Variants in KCND2 observed in about 807,000 individuals in gnomAD.
KCND2 encodes the protein potassium voltage-gated channel subfamily D member 2.
In KCND2, 16 loss-of-function variants were observed where a neutral mutation model predicts 54.4. That is an observed-to-expected ratio of 0.29 (90% CI 0.20 to 0.45). The LOEUF (loss-of-function observed/expected upper bound fraction) is 0.45. KCND2 is among the 20% of genes least tolerant of loss of function. KCND2 has a pLI of 1.00. For synonymous variants in KCND2, 317 were observed against 310.7 expected (o/e 1.02, Z -0.21); for missense variants, 486 against 824.2 (o/e 0.59, Z 5.02).
intron 1 of KCND2, among the ~76,000 whole-genome samples, chr7:120,398,822 A>G (rs979152741): frequency 1.3e-5 from 2 of 152,104 alleles, no homozygotes; most frequent in African/African-American, 4.8e-5. Context: ...AGTACCCTTA[A>G]TGGACTAAAG....
chr7:120,408,861 G>A (rs1414672394), intron 1 of KCND2, among the ~76,000 whole-genome samples: 7 of 151,644 alleles, frequency 4.6e-5, no homozygotes, highest in African/African-American at 7.3e-5. Flanking sequence ...TACCAAACAC[G>A]GTGACTTGAA....
chr7:120,611,777 C>A lies in KCND2; in HGVS notation c.1116-121126C>A, dbSNP rs77071355. Among the ~76,000 whole-genome samples, 117 of 152,240 alleles carry A rather than the reference C, an allele frequency of 7.7e-4. 3 individuals are homozygous for A. The East Asian group carries it at 0.021, about 28-fold the overall frequency. On this transcript the variant is annotated intron_variant, in intron 1 of 5. Coordinates refer to ENST00000331113, the MANE Select transcript of KCND2 (RefSeq NM_012281.3). ...TCCCTTTGACTGATATTTAAAATATCATCAAAGGTTACAAAACCCTGGAGT... is the reference window on the plus strand; with the variant it reads ...TCCCTTTGACTGATATTTAAAATATAATCAAAGGTTACAAAACCCTGGAGT...
At chr7:120,461,626 TCTA>T (rs2116240232) in intron 1 of KCND2, among the ~76,000 whole-genome samples, 1 of 152,288 alleles carries the variant, frequency 6.6e-6, no homozygotes, top group African/African-American at 2.4e-5. Flanking sequence ...GACAGAGACT[TCTA>T]CTAACTGTCA....
chr7:120,588,225 T>C (rs1157630179), intron 1 of KCND2, among the ~76,000 whole-genome samples: 1 of 152,204 alleles, frequency 6.6e-6, no homozygotes, highest in Non-Finnish European at 1.5e-5. Flanking sequence ...CTTGGCTTTA[T>C]AGTCTAACAG....
chr7:120,313,655 C>T (rs1309938811), intron 1 of KCND2, among the ~76,000 whole-genome samples: 1 of 151,644 alleles, frequency 6.6e-6, no homozygotes, highest in Non-Finnish European at 1.5e-5. Flanking sequence ...TTGGTAGTTT[C>T]CAAATTACTT....
intron 1 of KCND2, among the ~76,000 whole-genome samples, chr7:120,690,014 A>T (rs1742806404): frequency 6.6e-6 from 1 of 152,116 alleles, no homozygotes; most frequent in Non-Finnish European, 1.5e-5. Context: ...ATTCTCCTGG[A>T]CCCTTTCTGA....
chr7:120,277,868 G>A (rs955589572), intron 1 of KCND2, among the ~76,000 whole-genome samples: 15 of 151,962 alleles, frequency 9.9e-5, no homozygotes, highest in African/African-American at 3.4e-4. Flanking sequence ...AATCTATGCA[G>A]TGGATTTAGT....
Position 120,646,950 on chromosome 7 carries a change from G to A in KCND2, c.1116-85953G>A, listed in dbSNP as rs1041254952. ...AAGAGTCACTTGTTCTTAAACTTTC[G>A]GATCCATTTTTCGGATATGCAGAGT... is the stretch of plus-strand genomic sequence containing the variant. On this transcript the variant is annotated intron_variant, in intron 1 of 5. Transcript: ENST00000331113. 3.3e-5 allele frequency among the ~76,000 whole-genome samples: 5 copies of A among 152,066 alleles called. No homozygotes were observed. The South Asian group carries it at 8.3e-4, about 25-fold the overall frequency.
At chr7:120,648,006 ATTAG>A (rs539967781) in intron 1 of KCND2, among the ~76,000 whole-genome samples, 43 of 152,310 alleles carry the variant, frequency 2.8e-4, no homozygotes, top group Middle Eastern at 6.8e-3. Context: ...AGCAATTGCA[ATTAG>A]TTAGTTTTTT....
chr7:120,525,240 T>C (rs1791758618), intron 1 of KCND2, among the ~76,000 whole-genome samples: 1 of 152,182 alleles, frequency 6.6e-6, no homozygotes, highest in African/African-American at 2.4e-5. Flanking sequence ...ATATTATAAT[T>C]ATAAACTATT....
At chr7:120,335,168 C>T (rs974372208) in intron 1 of KCND2, among the ~76,000 whole-genome samples, 7 of 151,804 alleles carry the variant, frequency 4.6e-5, no homozygotes, top group African/African-American at 1.7e-4. Flanking sequence ...AGTTTGAGAC[C>T]AGACTGCAAC....
intron 1 of KCND2, among the ~76,000 whole-genome samples, chr7:120,386,294 G>A (rs1454727862): frequency 2.0e-5 from 3 of 152,010 alleles, no homozygotes; most frequent in African/African-American, 4.8e-5. Flanking sequence ...TCACTCTTAA[G>A]TGGTCTGCTT....
chr7:120,580,947 A>G (rs918305589), intron 1 of KCND2, among the ~76,000 whole-genome samples: 1 of 152,200 alleles, frequency 6.6e-6, no homozygotes, highest in African/African-American at 2.4e-5. Flanking sequence ...AGAAAACTGG[A>G]CTAAATTGTT....
intron 1 of KCND2, among the ~76,000 whole-genome samples, chr7:120,590,272 A>G (rs1792654225): frequency 6.6e-6 from 1 of 152,030 alleles, no homozygotes; most frequent in Non-Finnish European, 1.5e-5. Context: ...GCTCACTCGG[A>G]TTCCCAAAGT....
intron 1 of KCND2, among the ~76,000 whole-genome samples, chr7:120,342,308 T>C (rs1023723389): frequency 6.6e-6 from 1 of 152,298 alleles, no homozygotes; most frequent in Admixed American, 6.5e-5. Flanking sequence ...CAATGATGTA[T>C]GTAAAACACC....
At chr7:120,426,786 T>C (rs1157515714) in intron 1 of KCND2, among the ~76,000 whole-genome samples, 1 of 152,010 alleles carries the variant, frequency 6.6e-6, no homozygotes, top group Non-Finnish European at 1.5e-5. Flanking sequence ...CATGCCCGGC[T>C]AATTTTTTGA....
chr7:120,284,333 G>C (rs1315498459), intron 1 of KCND2, among the ~76,000 whole-genome samples: 4 of 151,888 alleles, frequency 2.6e-5, no homozygotes, highest in Non-Finnish European at 2.9e-5. Flanking sequence ...ACCATTCGCT[G>C]GTTTCCTTTC....
chr7:120,382,735 T>C (rs1225505135), intron 1 of KCND2, among the ~76,000 whole-genome samples: 1 of 151,890 alleles, frequency 6.6e-6, no homozygotes, highest in Non-Finnish European at 1.5e-5. Flanking sequence ...AGAATTTTAC[T>C]ATACTATTGT....
intron 1 of KCND2, among the ~76,000 whole-genome samples, chr7:120,363,031 C>T (rs1414152045): frequency 2.6e-5 from 4 of 151,888 alleles, no homozygotes; most frequent in South Asian, 2.1e-4. Flanking sequence ...GGCAGGGTGT[C>T]GTGGCTCACA....
Sources: allele counts gnomAD v4.1 joint callset (sites outside exome capture counted in the v4.1 genomes callset), GRCh38; gene constraint gnomAD v4.1.1; transcripts MANE v1.5; gene names NCBI Gene and HGNC (gene_info 2026-07-23, HGNC 2026-07-21).